COX6B1: variants seen among roughly 807,000 people sequenced by gnomAD.
COX6B1 encodes COX VIb-1.
COX6B1 carries 2 observed loss-of-function variants against 14.0 expected under a neutral mutation model. That is an observed-to-expected ratio of 0.14 (90% CI 0.06 to 0.45). COX6B1 has a LOEUF of 0.45. Among genes scored for constraint, COX6B1 ranks in the 20% least tolerant of loss-of-function variants. COX6B1 has a pLI of 0.98. For missense variants in COX6B1, 81 were observed against 114.2 expected (o/e 0.71, Z 1.33); for synonymous variants, 30 against 39.7 (o/e 0.76, Z 0.92).
chr19:35,649,918 C>T (rs1041211633), intron 1 of COX6B1, among the ~76,000 whole-genome samples: 4 of 152,026 alleles, frequency 2.6e-5, no homozygotes, highest in African/African-American at 9.7e-5. Context: ...CATTGTGCTC[C>T]ACCCAAAATC....
intron 3 of COX6B1, among the ~76,000 whole-genome samples, chr19:35,656,249 G>A (rs1967888180): frequency 6.6e-6 from 1 of 152,206 alleles, no homozygotes. Context: ...GAGAATATTT[G>A]GAAATAACCC....
chr19:35,654,521 A>G (rs561114853), intron 2 of COX6B1, 50 bp from the exon 3 acceptor site: 2 of 1,558,312 alleles, frequency 1.3e-6, no homozygotes, highest in East Asian at 4.5e-5. Context: ...AAAAAAAAAA[A>G]ATGTGTTCCA....
chr19:35,651,143 C>T (rs910494078), intron 1 of COX6B1, 90 bp from the exon 2 acceptor site: 1 of 801,710 alleles, frequency 1.2e-6, no homozygotes, highest in Non-Finnish European at 2.2e-6. Context: ...GCCCATTGTT[C>T]CGTGCCTGCC....
At chr19:35,652,986 T>TTTTTTA (rs1967845241) in intron 2 of COX6B1, among the ~76,000 whole-genome samples, 1 of 148,148 alleles carries the variant, frequency 6.8e-6, no homozygotes. Flanking sequence ...TTTTTTTTTT[T>TTTTTTA]GAGACGGAGT....
chr19:35,650,848 T>G (rs2146369727), intron 1 of COX6B1, among the ~76,000 whole-genome samples: 1 of 152,286 alleles, frequency 6.6e-6, no homozygotes, highest in East Asian at 1.9e-4. Flanking sequence ...TTTATGCCGT[T>G]TAACCGTAGG....
At chr19:35,652,742 G>C (rs926160494) in intron 2 of COX6B1, among the ~76,000 whole-genome samples, 2 of 151,550 alleles carry the variant, frequency 1.3e-5, no homozygotes, top group Non-Finnish European at 2.9e-5. Flanking sequence ...CACTGTGCCC[G>C]GCCTCACATC....
chr19:35,654,753 T>C, intron 3 of COX6B1, 82 bp downstream of exon 3: 2 of 1,243,594 alleles, frequency 1.6e-6, no homozygotes, highest in Non-Finnish European at 1.2e-6. Context: ...TGGGAGCTCA[T>C]CTGTGAGGGG....
intron 3 of COX6B1, among the ~76,000 whole-genome samples, chr19:35,657,168 G>A (rs1426764200): frequency 1.3e-5 from 2 of 151,646 alleles, no homozygotes; most frequent in Non-Finnish European, 2.9e-5. Context: ...CCATACTATA[G>A]AATCAGTGGG....
chr19:35,652,955 C>A (rs1338792459), intron 2 of COX6B1, among the ~76,000 whole-genome samples: 19 of 149,182 alleles, frequency 1.3e-4, no homozygotes, highest in Admixed American at 1.2e-3. Flanking sequence ...CTCGCCACCA[C>A]ACCCAGCTAA....
intron 3 of COX6B1, 90 bp from the exon 4 acceptor site, chr19:35,658,504 T>C (rs964887370): frequency 8.4e-6 from 10 of 1,197,330 alleles, no homozygotes; most frequent in African/African-American, 1.5e-5. Context: ...TGGATATTGG[T>C]TGAACAAACA....
intron 1 of COX6B1, among the ~76,000 whole-genome samples, chr19:35,650,334 G>C (rs1292285723): frequency 2.6e-5 from 4 of 152,162 alleles, no homozygotes; most frequent in Admixed American, 2.6e-4. Flanking sequence ...TCCTCAGCTG[G>C]ATATAACTGC....
Position 35,651,209 on chromosome 19 carries a change from G to A in COX6B1, c.-11-24G>A, listed in dbSNP as rs556815594. 1.0e-5 allele frequency: 16 copies of A among 1,552,294 alleles called. No homozygotes were observed. The East Asian group carries it at 2.9e-4, about 28-fold the overall frequency. ...GCTCAGGGCCCCTGGGGCCCCTGCT[G>A]ACACCCACTCCTTTCGCCTCCAGGA... On this transcript the variant is annotated intron_variant, in intron 1 of 3. Coordinates refer to ENST00000649813, the MANE Select transcript of COX6B1 (RefSeq NM_001863.5).
chr19:35,649,320 T>G (rs1204636692), intron 1 of COX6B1, among the ~76,000 whole-genome samples: 1 of 151,994 alleles, frequency 6.6e-6, no homozygotes, highest in East Asian at 1.9e-4. Context: ...CATTCCTTTT[T>G]TTTGTTTTTC....
intron 2 of COX6B1, among the ~76,000 whole-genome samples, chr19:35,653,563 TGCCTG>T (rs1206253248): frequency 7.3e-6 from 1 of 137,834 alleles, no homozygotes; most frequent in African/African-American, 2.7e-5. Context: ...TGAGCCACCG[TGCCTG>T]GCCAATTTTT....
intron 3 of COX6B1, 104 bp downstream of exon 3, chr19:35,654,775 C>CAG: frequency 2.1e-6 from 2 of 950,072 alleles, no homozygotes; most frequent in Non-Finnish European, 1.7e-6. Flanking sequence ...AGAGGGAGGA[C>CAG]AGGGCACCAC....
chr19:35,655,677 T>C (rs988302583), intron 3 of COX6B1, among the ~76,000 whole-genome samples: 1 of 151,894 alleles, frequency 6.6e-6, no homozygotes, highest in African/African-American at 2.4e-5. Flanking sequence ...CAGGCTAGAC[T>C]CGAACTCCTG....
intron 2 of COX6B1, 38 bp from the exon 3 acceptor site, chr19:35,654,533 C>A: frequency 6.5e-7 from 1 of 1,541,444 alleles, no homozygotes; most frequent in Non-Finnish European, 9.0e-7. Flanking sequence ...TGTGTTCCAA[C>A]TCTTGATCTG....
Position 35,649,479 on chromosome 19 carries a change from A to ATT in COX6B1, c.-12+1092_-12+1093dup, listed in dbSNP as rs59460933. On this transcript the variant is annotated intron_variant, in intron 1 of 3. Transcript: ENST00000649813. ...GCGCCACCACACCTGGCTAATTTTA[A>ATT]TTTTTTTTTTTTTTTTTGAGACAAG... is the stretch of plus-strand genomic sequence containing the variant. 3.0e-3 allele frequency among the ~76,000 whole-genome samples: 401 copies of ATT among 135,160 alleles called. 3 individuals are homozygous for ATT. Among genetic ancestry groups the ATT allele is most frequent in the South Asian group, 0.023 (95 of 4,218 alleles). 88.7% of individuals were successfully genotyped at this position (135,160 alleles called of 152,430 possible).
intron 3 of COX6B1, among the ~76,000 whole-genome samples, chr19:35,658,340 TC>T (rs1967910137): frequency 6.6e-6 from 1 of 152,084 alleles, no homozygotes; most frequent in Admixed American, 6.6e-5. Flanking sequence ...GTGACACATC[TC>T]CCCATCGACA....
Sources: gnomAD v4.1 joint callset for allele counts (sites outside exome capture counted in the v4.1 genomes callset) on GRCh38, gnomAD v4.1.1 for gene constraint, MANE v1.5 for transcripts, NCBI Gene and HGNC (gene_info 2026-07-23, HGNC 2026-07-21) for gene names.